The following PTPRN2 variants were observed in gnomAD, a reference collection of about 807,000 sequenced individuals.
PTPRN2 encodes the protein protein tyrosine phosphatase receptor type N2.
Under a neutral mutation model 118.8 loss-of-function variants are expected in PTPRN2, and 74 were observed. The observed-to-expected ratio is 0.62, with a 90% CI of 0.52 to 0.76. PTPRN2 has a LOEUF of 0.76. Ranked by LOEUF, PTPRN2 falls within the 30% of genes least tolerant of loss-of-function variation. PTPRN2 has a pLI of 0.00. For missense variants in PTPRN2, 1,481 were observed against 1,394.4 expected (o/e 1.06, Z -0.99); for synonymous variants, 641 against 608.0 (o/e 1.05, Z -0.80).
At chr7:158,020,857 C>T (rs1324283392) in intron 11 of PTPRN2, among the ~76,000 whole-genome samples, 1 of 152,192 alleles carries the variant, frequency 6.6e-6, no homozygotes, top group Non-Finnish European at 1.5e-5. Context: ...CCTTCTTCTT[C>T]CAAGGCCCTG....
At chr7:157,803,052 C>T (rs1227926369) in intron 12 of PTPRN2, among the ~76,000 whole-genome samples, 2 of 152,300 alleles carry the variant, frequency 1.3e-5, no homozygotes, top group East Asian at 3.9e-4. Context: ...GCAACCTCCA[C>T]CTCCCAGATT....
At chr7:157,681,491 C>T (rs943737180) in intron 13 of PTPRN2, among the ~76,000 whole-genome samples, 4 of 152,220 alleles carry the variant, frequency 2.6e-5, no homozygotes, top group Admixed American at 1.3e-4. Flanking sequence ...AGAAAAAGAT[C>T]GTCCTGACCG....
chr7:158,359,978 G>A (rs964420122), intron 2 of PTPRN2, among the ~76,000 whole-genome samples: 3 of 152,090 alleles, frequency 2.0e-5, no homozygotes, highest in African/African-American at 7.3e-5. Flanking sequence ...CTCCTTAAGA[G>A]CAGCGTGTGA....
chr7:157,748,870 G>T (rs1482404427), intron 12 of PTPRN2, among the ~76,000 whole-genome samples: 1 of 34,262 alleles, frequency 2.9e-5, no homozygotes, highest in Admixed American at 3.9e-4. Flanking sequence ...TGGGCTGTCC[G>T]GGTGATTCTG....
In PTPRN2 at chr7:158,044,137, G is replaced by A. The variant is rs80178259; in HGVS notation, c.1723+37161C>T. Among the ~76,000 whole-genome samples, 646 of 152,316 alleles carry A rather than the reference G, an allele frequency of 4.2e-3. 6 individuals are homozygous for A. Among genetic ancestry groups the A allele is most frequent in the African/African-American group, 0.015 (621 of 41,576 alleles). On this transcript the variant is annotated intron_variant, in intron 11 of 22. Coordinates refer to ENST00000389418, the MANE Select transcript of PTPRN2 (RefSeq NM_002847.5). ...GTTTCAGATAAAAAAATTTAGAATAGCTTTATCTGAGTTACACAATTTTAA... is the reference window on the plus strand; with the variant it reads ...GTTTCAGATAAAAAAATTTAGAATAACTTTATCTGAGTTACACAATTTTAA...
intron 12 of PTPRN2, among the ~76,000 whole-genome samples, chr7:157,746,049 T>A (rs1486121677): frequency 2.6e-5 from 3 of 115,186 alleles, no homozygotes; most frequent in Non-Finnish European, 3.5e-5. Context: ...GGGCCCTGAG[T>A]GTGGAGATCA....
At chr7:157,979,454 C>T (rs941133419) in intron 11 of PTPRN2, among the ~76,000 whole-genome samples, 11 of 152,222 alleles carry the variant, frequency 7.2e-5, no homozygotes, top group African/African-American at 2.4e-4. Flanking sequence ...GTGACACTGG[C>T]AACTGCACGT....
chr7:157,544,087 A>T (rs1354393465), intron 22 of PTPRN2, among the ~76,000 whole-genome samples: 1 of 150,368 alleles, frequency 6.7e-6, no homozygotes, highest in Non-Finnish European at 1.5e-5. Context: ...AGACGGAGAG[A>T]GGTGAAGAGA....
At chr7:158,164,130 T>TC (rs1367260660) in intron 6 of PTPRN2, among the ~76,000 whole-genome samples, 1 of 152,140 alleles carries the variant, frequency 6.6e-6, no homozygotes, top group Non-Finnish European at 1.5e-5. Context: ...GTTCCGAAGA[T>TC]CCACACCCTG....
chr7:158,238,749 A>T (rs980523145), intron 3 of PTPRN2, among the ~76,000 whole-genome samples: 1 of 152,082 alleles, frequency 6.6e-6, no homozygotes, highest in African/African-American at 2.4e-5. Context: ...CCAGGGACCG[A>T]CGGATTCAGT....
chr7:157,938,304 G>A (rs527561143), intron 11 of PTPRN2, among the ~76,000 whole-genome samples: 10 of 152,320 alleles, frequency 6.6e-5, no homozygotes, highest in Admixed American at 4.6e-4. Flanking sequence ...GCACAGGAGC[G>A]TCAGCCATGG....
At chr7:157,727,038 T>C (rs1362987682) in intron 12 of PTPRN2, among the ~76,000 whole-genome samples, 1 of 152,194 alleles carries the variant, frequency 6.6e-6, no homozygotes, top group Non-Finnish European at 1.5e-5. Context: ...ATGGGAACAC[T>C]GCGCTATTGC....
chr7:157,984,271 C>CAT lies in PTPRN2; in HGVS notation c.1724-85535_1724-85534insAT, dbSNP rs770781974. Among the ~76,000 whole-genome samples the CAT allele has an allele frequency of 4.1e-3, 33 of 8,126 alleles. 1 individual carries two copies. The highest frequency in any genetic ancestry group is 5.2e-3 in the Non-Finnish European group (16 of 3,104). 5.3% of individuals were successfully genotyped at this position (8,126 alleles called of 152,430 possible). A position where few individuals can be genotyped will look rare whatever the true frequency, so the allele number is the denominator to read the frequency against. Reference sequence around the variant, plus strand: ...CACCTCCCCACGCCAGGCTCCACCCCCCACGCCAGGCTCCACCCCATCCCA... The same window carrying CAT: ...CACCTCCCCACGCCAGGCTCCACCCCATCCACGCCAGGCTCCACCCCATCCCA... On this transcript the variant is annotated intron_variant, in intron 11 of 22. Transcript: ENST00000389418.
At chr7:157,739,616 A>G (rs954089356) in intron 12 of PTPRN2, among the ~76,000 whole-genome samples, 2 of 152,250 alleles carry the variant, frequency 1.3e-5, no homozygotes, top group African/African-American at 4.8e-5. Flanking sequence ...GGTCAACTCA[A>G]TGCCAACTGC....
chr7:158,309,472 C>T (rs10264607), intron 3 of PTPRN2, among the ~76,000 whole-genome samples: 138,490 of 152,180 alleles, frequency 0.91, 63,327 homozygotes, highest in Non-Finnish European at 0.96. Context: ...ACCCTGTGAT[C>T]GTGAGTCAAT....
At chr7:158,075,327 C>A (rs1021298493) in intron 11 of PTPRN2, among the ~76,000 whole-genome samples, 10 of 152,220 alleles carry the variant, frequency 6.6e-5, no homozygotes, top group African/African-American at 2.4e-4. Context: ...AGGGCACCTG[C>A]TCTTTGGCAG....
intron 12 of PTPRN2, among the ~76,000 whole-genome samples, chr7:157,753,950 C>T (rs1310118253): frequency 6.6e-6 from 1 of 152,238 alleles, no homozygotes; most frequent in African/African-American, 2.4e-5. Flanking sequence ...GCATCTTGCT[C>T]CCTCCTCATC....
At chr7:158,138,895 C>A (rs1585578480) in intron 6 of PTPRN2, among the ~76,000 whole-genome samples, 1 of 152,166 alleles carries the variant, frequency 6.6e-6, no homozygotes, top group South Asian at 2.1e-4. Flanking sequence ...CTGTGTCCCC[C>A]TCACTTGGCA....
chr7:157,621,453 C>T lies in PTPRN2; in HGVS notation c.2253G>A (p.Ala751=), dbSNP rs199567899. 61 of 1,614,002 alleles carry T rather than the reference C, an allele frequency of 3.8e-5. No homozygotes were observed. Among genetic ancestry groups the T allele is most frequent in the Middle Eastern group, 3.3e-4 (2 of 6,062 alleles). ...NKNRLEKEWE[A]LCAYQAEPNS... Reference sequence around the variant, plus strand: ...TGGGCTCCGCCTGGTAGGCGCACAGCGCTTCCCACTCCTTCTCCAGCCGGT... The same window carrying T: ...TGGGCTCCGCCTGGTAGGCGCACAGTGCTTCCCACTCCTTCTCCAGCCGGT... The change falls in exon 15 of 23, where the codon GCG becomes GCA. Residue 751 remains alanine (A), a synonymous_variant. Coordinates refer to ENST00000389418, the MANE Select transcript of PTPRN2 (RefSeq NM_002847.5).
Sources: allele counts gnomAD v4.1 joint callset (sites outside exome capture counted in the v4.1 genomes callset), GRCh38; gene constraint gnomAD v4.1.1; transcripts MANE v1.5; gene names NCBI Gene and HGNC (gene_info 2026-07-23, HGNC 2026-07-21).